GATA4: variants seen among roughly 807,000 people sequenced by gnomAD.
GATA4 encodes transcription factor GATA-4.
A neutral mutation model predicts 37.9 loss-of-function variants in GATA4; 7 were observed. That is an observed-to-expected ratio of 0.18 (90% confidence interval 0.11 to 0.35). GATA4 has a LOEUF of 0.35. GATA4 is among the 10% of genes least tolerant of loss of function. GATA4 has a pLI of 1.00. For missense variants in GATA4, 647 were observed against 653.0 expected (o/e 0.99, Z 0.10); for synonymous variants, 372 against 292.6 (o/e 1.27, Z -2.77).
chr8:11,682,568 T>G (rs1397177935), intron 1 of GATA4, among the ~76,000 whole-genome samples: 4 of 151,840 alleles, frequency 2.6e-5, no homozygotes, highest in African/African-American at 9.7e-5. Context: ...AAGAAGTTTT[T>G]TTCCCTTCAA....
In GATA4 at chr8:11,731,156, G is replaced by A. The variant is rs572658611; in HGVS notation, c.617-17760G>A. Among the ~76,000 whole-genome samples, 154 of 152,366 alleles carry A rather than the reference G, an allele frequency of 1.0e-3. 1 individual carries two copies. The highest frequency in any genetic ancestry group is 2.0e-3 in the Admixed American group (30 of 15,304). On this transcript the variant is annotated intron_variant, in intron 2 of 6. Coordinates refer to ENST00000532059, the MANE Select transcript of GATA4 (RefSeq NM_001308093.3). ...TCTGAGTTTCCTCCTGGAAGACTGAGTCTTATGAAGACCCGGTTTTGAGGA... is the reference window on the plus strand; with the variant it reads ...TCTGAGTTTCCTCCTGGAAGACTGAATCTTATGAAGACCCGGTTTTGAGGA...
upstream of GATA4, among the ~76,000 whole-genome samples, chr8:11,688,648 T>G (rs1444269293): frequency 2.0e-5 from 3 of 152,276 alleles, no homozygotes; most frequent in South Asian, 6.2e-4. Context: ...CAGGAGGGAA[T>G]GGAAAGATTG....
chr8:11,698,698 G>A lies in GATA4; in HGVS notation c.-728-1810G>A, dbSNP rs560997283. Among the ~76,000 whole-genome samples the A allele has an allele frequency of 8.5e-5, 13 of 152,196 alleles. 1 individual carries two copies. In the East Asian group the frequency reaches 2.3e-3, roughly 27 times the overall value. ...TCCCCGGAGGCCCGGGGACTCCCTCGCCAGTCTAACAGCCTAAGCATCTGG... is the reference window on the plus strand; with the variant it reads ...TCCCCGGAGGCCCGGGGACTCCCTCACCAGTCTAACAGCCTAAGCATCTGG... On this transcript the variant is annotated intron_variant, in intron 1 of 2. Coordinates refer to the GATA4 transcript ENST00000526974.
intron 1 of GATA4, among the ~76,000 whole-genome samples, chr8:11,693,550 CACACACACACACAG>C (rs1173960170): frequency 4.3e-4 from 50 of 115,792 alleles, no homozygotes; most frequent in Admixed American, 7.3e-4. Context: ...CACACACACA[CACACACACACACAG>C]AGAGAGAGAG....
upstream of GATA4, among the ~76,000 whole-genome samples, chr8:11,688,252 C>T (rs1799202655): frequency 6.6e-6 from 1 of 152,186 alleles, no homozygotes; most frequent in Admixed American, 6.5e-5. Flanking sequence ...GCGTCTATGC[C>T]TGAGGTCTCC....
chr8:11,683,903 C>T (rs1799058151), intron 1 of GATA4, among the ~76,000 whole-genome samples: 1 of 152,228 alleles, frequency 6.6e-6, no homozygotes, highest in Non-Finnish European at 1.5e-5. Context: ...TTGAAACTGG[C>T]TCTGTGAACG....
chr8:11,693,465 G>C (rs1313887537), intron 1 of GATA4, among the ~76,000 whole-genome samples: 1 of 145,824 alleles, frequency 6.9e-6, no homozygotes, highest in Non-Finnish European at 1.5e-5. Context: ...GAGAAAGAGA[G>C]AAAGGGAGAA....
chr8:11,677,018 C>G (rs749308591), exon 1 of GATA4: 2 of 152,344 alleles, frequency 1.3e-5, no homozygotes, highest in Non-Finnish European at 2.9e-5. Context: ...GAGTTTGCCT[C>G]ACACCAGGCC....
rs1016410165 is a variant in GATA4, at chr8:11,694,088, G to A, written c.-729+1428G>A. Among the ~76,000 whole-genome samples the A allele has an allele frequency of 1.2e-4, 19 of 152,252 alleles. No individual in the cohort carries two copies. The East Asian group carries it at 3.7e-3, about 29-fold the overall frequency. ...GTGCCGTGGGTCCCCCTTCCTGCTC[G>A]TGTCTGCCAGCGCTCACTCCTGCTC... On this transcript the variant is annotated intron_variant, in intron 1 of 2. Coordinates refer to the GATA4 transcript ENST00000526974.
At chr8:11,720,002 C>G (rs1002763831) in intron 2 of GATA4, among the ~76,000 whole-genome samples, 2 of 152,078 alleles carry the variant, frequency 1.3e-5, no homozygotes, top group South Asian at 4.1e-4. Context: ...GGAGTTGCAG[C>G]GCTGAAATCT....
chr8:11,698,101 C>T (rs1183584761), intron 1 of GATA4: 4 of 729,606 alleles, frequency 5.5e-6, no homozygotes, highest in East Asian at 1.3e-4. Context: ...TCCGTCCTCT[C>T]CCAGGAGGTC....
rs150402966 is a variant in GATA4, at chr8:11,739,284, T to C, written c.617-9632T>C. ...TAATAAACCAACTCCAATTTCCGTA[T>C]GGCTTTGGTGAAACTTTGTTTTTGT... On this transcript the variant is annotated intron_variant, in intron 2 of 6. Transcript: ENST00000532059. Among the ~76,000 whole-genome samples the C allele has an allele frequency of 4.9e-3, 748 of 152,374 alleles. 9 individuals carry two copies. The highest frequency in any genetic ancestry group is 0.017 in the African/African-American group (717 of 41,602).
At chr8:11,752,585 A>G (rs867896978) in intron 4 of GATA4, among the ~76,000 whole-genome samples, 25 of 152,250 alleles carry the variant, frequency 1.6e-4, no homozygotes, top group Admixed American at 8.5e-4. Flanking sequence ...TATGGGAGCT[A>G]CAATTCAAGA....
At chr8:11,705,625 A>G (rs1799858662) in intron 1 of GATA4, among the ~76,000 whole-genome samples, 1 of 152,206 alleles carries the variant, frequency 6.6e-6, no homozygotes. Context: ...TTCTCCGCCA[A>G]CTGCAGGATC....
At chr8:11,712,776 G>A (rs1440421456) in intron 2 of GATA4, among the ~76,000 whole-genome samples, 3 of 151,914 alleles carry the variant, frequency 2.0e-5, no homozygotes, top group South Asian at 2.1e-4. Flanking sequence ...TGGGAGGATC[G>A]CTTGAGTCAG....
intron 2 of GATA4, among the ~76,000 whole-genome samples, chr8:11,726,310 A>C (rs191889961): frequency 6.2e-4 from 95 of 152,340 alleles, no homozygotes; most frequent in Non-Finnish European, 1.0e-4. Context: ...AGGGAGAAGG[A>C]CCCTGAGAGA....
intron 2 of GATA4, among the ~76,000 whole-genome samples, chr8:11,721,268 G>A (rs1800663956): frequency 6.6e-6 from 1 of 150,696 alleles, no homozygotes; most frequent in African/African-American, 2.4e-5. Context: ...GGCGTTTGCT[G>A]CCTATAGGAA....
Position 11,709,835 on chromosome 8 carries a change from G to A in GATA4, c.616+907G>A, listed in dbSNP as rs756622577. ...AATAAACGCAGCGGGATCTGAGAAGGGGCCTGAGTACACGGGCCGGGGGAG... is the reference window on the plus strand; with the variant it reads ...AATAAACGCAGCGGGATCTGAGAAGAGGCCTGAGTACACGGGCCGGGGGAG... On this transcript the variant is annotated intron_variant, in intron 2 of 6. Transcript: ENST00000532059. This position sits in a 1 kb window ranked among gnomAD's most constrained non-coding sequence, Gnocchi z 4.3. 7.9e-5 allele frequency among the ~76,000 whole-genome samples: 12 copies of A among 152,182 alleles called. No homozygotes were observed. The highest frequency in any genetic ancestry group is 1.3e-4 in the Non-Finnish European group (9 of 68,032).
chr8:11,758,298 C>T lies in GATA4; in HGVS notation c.1155C>T (p.Phe385=), dbSNP rs957671450. The part of the protein sequence containing the change: ...YGHSSSVSQT[F]SVSAMSGHGP... ...GTGTGCTTTCTGCTTTTCAGACGTT[C>T]TCAGTCAGTGCGATGTCTGGCCATG... Residue 385 remains phenylalanine (F), a synonymous_variant, in exon 7 of 7, where the codon TTC becomes TTT. Transcript: ENST00000532059. The T allele has an allele frequency of 1.9e-6, 3 of 1,614,058 alleles. No individual in the cohort carries two copies. Among genetic ancestry groups the T allele is most frequent in the African/African-American group, 2.7e-5 (2 of 74,932 alleles).
Sources: gnomAD v4.1 joint callset for allele counts (sites outside exome capture counted in the v4.1 genomes callset) on GRCh38, gnomAD v4.1.1 for gene constraint, Gnocchi (gnomAD v3.1) non-coding constraint, MANE v1.5 for transcripts, NCBI Gene and HGNC (gene_info 2026-07-23, HGNC 2026-07-21) for gene names.